The following GPD2 variants were observed in gnomAD, a reference collection of about 807,000 sequenced individuals.
GPD2 encodes the protein glycerol-3-phosphate dehydrogenase 2.
Under a neutral mutation model 82.4 loss-of-function variants are expected in GPD2, and 54 were observed. That is an observed-to-expected ratio of 0.66 (90% CI 0.53 to 0.82). The LOEUF (loss-of-function observed/expected upper bound fraction) is 0.82, where lower values mean the gene tolerates loss of function less well. GPD2 is among the 40% of genes least tolerant of loss of function. GPD2 has a pLI of 0.00. For synonymous variants in GPD2, 288 were observed against 306.1 expected (o/e 0.94, Z 0.62); for missense variants, 748 against 896.2 (o/e 0.83, Z 2.11).
Position 156,583,289 on chromosome 2 carries a change from G to C in GPD2, c.*371G>C. ...AATTGAAAAAAGCTGGAGACATTTT[G>C]TGACATGCATACAGATAGCATGTGT... is the stretch of plus-strand genomic sequence containing the variant. On this transcript the variant is annotated 3_prime_UTR_variant, in exon 17 of 17. Coordinates refer to ENST00000438166, the MANE Select transcript of GPD2 (RefSeq NM_000408.5). The C allele has an allele frequency of 3.2e-6, 1 of 312,740 alleles. No individual in the cohort carries two copies. The highest frequency in any genetic ancestry group is 6.2e-6 in the Non-Finnish European group (1 of 160,452). The allele number at this position is 312,740 out of a possible 1,614,324, so 19.4% of individuals were successfully genotyped here. A position where few individuals can be genotyped will look rare whatever the true frequency, so the allele number is the denominator to read the frequency against.
chr2:156,417,315 A>G, the GPD2 span, among the ~76,000 whole-genome samples: 4 of 152,214 alleles, frequency 2.6e-5, no homozygotes, highest in African/African-American at 9.6e-5. Flanking sequence ...GTGAGTGATC[A>G]ATAAAAAAGG....
chr2:156,496,217 T>C lies in GPD2; in HGVS notation c.274+2T>C. 2 of 1,597,030 alleles carry C rather than the reference T, an allele frequency of 1.3e-6. No individual in the cohort carries two copies. The highest frequency in any genetic ancestry group is 1.7e-6 in the Non-Finnish European group (2 of 1,166,224). ...GTGCGCTAGATGCTGTCACCAGAGG[T>C]AAGTCTTTTTTTTTTTTATTTTAAT... On this transcript the variant is annotated splice_donor_variant, in intron 3 of 16. Coordinates refer to ENST00000438166, the MANE Select transcript of GPD2 (RefSeq NM_000408.5). LOFTEE classifies it high-confidence loss of function.
At chr2:156,513,083 G>T (rs933811898) in intron 5 of GPD2, among the ~76,000 whole-genome samples, 3 of 152,134 alleles carry the variant, frequency 2.0e-5, no homozygotes, top group African/African-American at 4.8e-5. Context: ...GTTCCCCAGA[G>T]AATTCTAATA....
chr2:156,510,712 G>A lies in GPD2; in HGVS notation c.275-84G>A, dbSNP rs576420387. 7.3e-5 allele frequency: 81 copies of A among 1,105,706 alleles called. 1 individual carries two copies. In the South Asian group the frequency reaches 8.9e-4, roughly 12 times the overall value. The allele number at this position is 1,105,706 out of a possible 1,614,324, so 68.5% of individuals were successfully genotyped here. A position where few individuals can be genotyped will look rare whatever the true frequency, so the allele number is the denominator to read the frequency against. On this transcript the variant is annotated intron_variant, in intron 3 of 16. Coordinates refer to ENST00000438166, the MANE Select transcript of GPD2 (RefSeq NM_000408.5). ...GTTCAGAGTAATTTTTCTTGTGATT[G>A]TCTCTACCCTGGAGAAGTGCCTTTA...
chr2:156,549,793 G>A, intron 7 of GPD2, 21 bp downstream of exon 7: 1 of 1,581,718 alleles, frequency 6.3e-7, no homozygotes, highest in Non-Finnish European at 8.7e-7. Flanking sequence ...TATCTGGGAG[G>A]GAGGTATTTC....
intron 1 of GPD2, among the ~76,000 whole-genome samples, chr2:156,456,211 A>G (rs1682782425): frequency 1.3e-5 from 2 of 152,304 alleles, no homozygotes; most frequent in South Asian, 4.1e-4. Flanking sequence ...TGGTTGTTTA[A>G]TTGGGCATTT....
intron 1 of GPD2, among the ~76,000 whole-genome samples, chr2:156,471,557 A>G (rs899443424): frequency 3.3e-5 from 5 of 152,268 alleles, no homozygotes; most frequent in South Asian, 2.1e-4. Flanking sequence ...TTGTATGCCT[A>G]GAACGTACCA....
At chr2:156,565,953 A>G (rs1206389818) in intron 9 of GPD2, among the ~76,000 whole-genome samples, 5 of 152,082 alleles carry the variant, frequency 3.3e-5, no homozygotes, top group African/African-American at 1.2e-4. Flanking sequence ...GTGGTGTTGT[A>G]TATAAATATA....
chr2:156,578,886 T>A lies in GPD2; in HGVS notation c.1768-3T>A, dbSNP rs1398044565. 6.5e-7 allele frequency: 1 copy of A among 1,537,762 alleles called. No individual in the cohort carries two copies. Among genetic ancestry groups the A allele is most frequent in the Non-Finnish European group, 9.0e-7 (1 of 1,111,644 alleles). ...TTGAACTTTGTGTGTATCTCTGTTT[T>A]AGGAACAACTTGAAACAGCCAGGAA... On this transcript the variant is annotated splice_region_variant and splice_polypyrimidine_tract_variant and intron_variant, in intron 13 of 16. Coordinates refer to ENST00000438166, the MANE Select transcript of GPD2 (RefSeq NM_000408.5).
At chr2:156,500,100 A>T (rs1331666148) in intron 3 of GPD2, among the ~76,000 whole-genome samples, 2 of 152,120 alleles carry the variant, frequency 1.3e-5, no homozygotes, top group East Asian at 3.8e-4. Context: ...AAAGTTGATC[A>T]GGTTTTTAAT....
intron 5 of GPD2, among the ~76,000 whole-genome samples, chr2:156,512,648 T>C (rs1685044037): frequency 6.6e-6 from 1 of 152,318 alleles, no homozygotes; most frequent in East Asian, 1.9e-4. Context: ...AGACTGTAAA[T>C]GGTTGAGCTA....
the GPD2 span, among the ~76,000 whole-genome samples, chr2:156,408,586 A>G: frequency 6.6e-6 from 1 of 151,782 alleles, no homozygotes; most frequent in Non-Finnish European, 1.5e-5. Context: ...AAAAGTAAAA[A>G]AACTAGCCAG....
chr2:156,455,531 T>C (rs541335583), intron 1 of GPD2, among the ~76,000 whole-genome samples: 1 of 152,344 alleles, frequency 6.6e-6, no homozygotes, highest in East Asian at 1.9e-4. Flanking sequence ...TACTTAGGAT[T>C]ACTCATTCCA....
At chr2:156,465,327 G>A (rs1683113345) in intron 1 of GPD2, among the ~76,000 whole-genome samples, 1 of 149,978 alleles carries the variant, frequency 6.7e-6, no homozygotes, top group African/African-American at 2.4e-5. Flanking sequence ...CAAGGTAAAG[G>A]ACTTTTTCTT....
chr2:156,530,235 CTGTT>C (rs1294802828), intron 6 of GPD2, among the ~76,000 whole-genome samples: 2 of 103,264 alleles, frequency 1.9e-5, no homozygotes, highest in African/African-American at 3.6e-5. Flanking sequence ...ATTTGGCTCT[CTGTT>C]TGTCTGTTGT....
chr2:156,452,338 G>C (rs1012845338), intron 1 of GPD2, among the ~76,000 whole-genome samples: 1 of 152,256 alleles, frequency 6.6e-6, no homozygotes, highest in African/African-American at 2.4e-5. Flanking sequence ...GATCACTCGC[G>C]GTTAGGAGCT....
intron 6 of GPD2, among the ~76,000 whole-genome samples, chr2:156,548,927 C>T (rs1230463838): frequency 1.3e-5 from 2 of 152,026 alleles, no homozygotes; most frequent in African/African-American, 4.8e-5. Context: ...TCTTTCCCCC[C>T]TTCTCCTCCC....
the GPD2 span, among the ~76,000 whole-genome samples, chr2:156,404,685 C>CCAAAAAAAAA: frequency 1.4e-5 from 1 of 73,846 alleles, no homozygotes; most frequent in Non-Finnish European, 3.1e-5. Context: ...ATTAAAAATA[C>CCAAAAAAAAA]CAAAAAAAAA....
At chr2:156,533,329 A>G (rs148627859) in intron 6 of GPD2, among the ~76,000 whole-genome samples, 4 of 152,344 alleles carry the variant, frequency 2.6e-5, no homozygotes, top group Non-Finnish European at 5.9e-5. Context: ...CTCATGAGCT[A>G]TGAGCTATGA....
Sources: gnomAD v4.1 joint callset for allele counts (sites outside exome capture counted in the v4.1 genomes callset) on GRCh38, gnomAD v4.1.1 for gene constraint, MANE v1.5 for transcripts, NCBI Gene and HGNC (gene_info 2026-07-23, HGNC 2026-07-21) for gene names.